The following C2orf69 variants were observed in gnomAD, a reference collection of about 807,000 sequenced individuals.
The protein encoded by C2orf69 is chromosome 2 open reading frame 69, also known as mitochondrial protein C2orf69.
A neutral mutation model predicts 29.5 loss-of-function variants in C2orf69; 19 were observed. The observed-to-expected ratio is 0.65, with a 90% confidence interval of 0.45 to 0.95. The LOEUF is 0.95. C2orf69 is among the 40% of genes least tolerant of loss of function. The probability of loss-of-function intolerance (pLI) is 0.00; values close to 1 mark genes in which losing one functional copy is unlikely to be tolerated. For synonymous variants in C2orf69, 194 were observed against 180.0 expected, an observed-to-expected ratio of 1.08 and a Z score of -0.62; for missense variants, 416 against 482.1, an observed-to-expected ratio of 0.86 and a Z score of 1.28.
chr2:199,923,385 AATTT>A, intron 1 of C2orf69, among the ~76,000 whole-genome samples: 1 of 152,322 alleles, frequency 6.6e-6, no homozygotes, highest in South Asian at 2.1e-4. Context: ...TGAGGAACTA[AATTT>A]AATAGAGGAA....
chr2:199,912,435 G>C (rs1391318055), intron 1 of C2orf69, among the ~76,000 whole-genome samples: 1 of 152,142 alleles, frequency 6.6e-6, no homozygotes, highest in African/African-American at 2.4e-5. Context: ...GTAGCCATTA[G>C]CCATATATGG....
In C2orf69 at chr2:199,927,208, A is replaced by G. The variant is rs76660606; in HGVS notation, c.*1322A>G. The G allele has an allele frequency of 6.6e-6, 1 of 151,442 alleles. No homozygotes were observed. Among genetic ancestry groups the G allele is most frequent in the Non-Finnish European group, 1.5e-5 (1 of 67,858 alleles). The allele number at this position is 151,442 out of a possible 1,614,324, so 9.4% of individuals were successfully genotyped here. ...AAATGTCAACCAACATTGACATTGTAATTGGGTGATTACAATAAAAGGTGA... is the reference window on the plus strand; with the variant it reads ...AAATGTCAACCAACATTGACATTGTGATTGGGTGATTACAATAAAAGGTGA... On this transcript the variant is annotated 3_prime_UTR_variant, in exon 2 of 2. Transcript: ENST00000319974.
intron 1 of C2orf69, among the ~76,000 whole-genome samples, chr2:199,921,007 T>G (rs1262595764): frequency 7.9e-6 from 1 of 126,056 alleles, no homozygotes; most frequent in Non-Finnish European, 1.7e-5. Context: ...ATTAGTTTTT[T>G]TTTTTTTTTT....
rs192646461 is a variant in C2orf69, at chr2:199,926,792, T to C, written c.*906T>C. The C allele has an allele frequency of 6.5e-6, 1 of 152,790 alleles. No homozygotes were observed. The highest frequency in any genetic ancestry group is 1.9e-4 in the East Asian group (1 of 5,190). The allele number at this position is 152,790 out of a possible 1,614,324, so 9.5% of individuals were successfully genotyped here. ...TTGGAAAATTGCTTTAAATTGAGCA[T>C]ATTTATGTATATTGGATAAAAATGT... On this transcript the variant is annotated 3_prime_UTR_variant, in exon 2 of 2. Coordinates refer to ENST00000319974, the MANE Select transcript of C2orf69 (RefSeq NM_153689.6).
At chr2:199,920,186 G>A (rs376250434) in intron 1 of C2orf69, among the ~76,000 whole-genome samples, 24 of 152,118 alleles carry the variant, frequency 1.6e-4, no homozygotes, top group South Asian at 2.1e-4. Flanking sequence ...TAGATTGGCC[G>A]TGGGTAACAG....
intron 1 of C2orf69, among the ~76,000 whole-genome samples, chr2:199,912,106 G>A (rs2077265887): frequency 6.6e-6 from 1 of 152,162 alleles, no homozygotes; most frequent in African/African-American, 2.4e-5. Context: ...TTTCTCAGAG[G>A]ACCGTGTGTG....
intron 1 of C2orf69, among the ~76,000 whole-genome samples, chr2:199,916,725 A>G (rs1190006524): frequency 6.6e-6 from 1 of 152,192 alleles, no homozygotes; most frequent in Non-Finnish European, 1.5e-5. Flanking sequence ...CTTTAACTCC[A>G]TGTCTCATAT....
chr2:199,924,153 A>C (rs896638957), intron 1 of C2orf69, among the ~76,000 whole-genome samples: 1 of 152,186 alleles, frequency 6.6e-6, no homozygotes, highest in Non-Finnish European at 1.5e-5. Context: ...CATGCCTATA[A>C]TACCAATACT....
At chr2:199,918,281 C>T (rs1487238152) in intron 1 of C2orf69, among the ~76,000 whole-genome samples, 4 of 152,114 alleles carry the variant, frequency 2.6e-5, no homozygotes, top group African/African-American at 9.7e-5. Context: ...AAAGTAGGTG[C>T]TTTCCATTTT....
At position 199,913,381 on chromosome 2, in the gene C2orf69, T is replaced by TATATATAATATATTCTATTATATATA. The variant is rs1559292384; in HGVS notation, c.333+1620_333+1621insTATTCTATTATATATAATATATAATA. 4.7e-5 allele frequency among the ~76,000 whole-genome samples: 3 copies of TATATATAATATATTCTATTATATATA among 63,288 alleles called. No individual in the cohort carries two copies. In the East Asian group the frequency reaches 1.1e-3, roughly 23 times the overall value. The allele number at this position is 63,288 out of a possible 152,430, so 41.5% of individuals were successfully genotyped here. A position where few individuals can be genotyped will look rare whatever the true frequency, so the allele number is the denominator to read the frequency against. On this transcript the variant is annotated intron_variant, in intron 1 of 1. Transcript: ENST00000319974. ...TAATATATTCTATTATGATATATAT[T>TATATATAATATATTCTATTATATATA]ATATATAATAACATATATTATATAT...
In C2orf69 at chr2:199,911,781, G is replaced by T; in HGVS notation, c.333+10G>T. On this transcript the variant is annotated intron_variant, in intron 1 of 1. Transcript: ENST00000319974. ...CCCTGGGGATGTGCAGGTAACTCGG[G>T]GCCTGCCTGGGTATCTGTTCCTTCC... 6.5e-7 allele frequency: 1 copy of T among 1,537,542 alleles called. No homozygotes were observed. The highest frequency in any genetic ancestry group is 8.7e-7 in the Non-Finnish European group (1 of 1,146,890).
At chr2:199,916,331 G>A (rs1282182780) in intron 1 of C2orf69, among the ~76,000 whole-genome samples, 1 of 151,868 alleles carries the variant, frequency 6.6e-6, no homozygotes, top group Non-Finnish European at 1.5e-5. Flanking sequence ...GGGATTATGG[G>A]AACTACAATT....
intron 1 of C2orf69, among the ~76,000 whole-genome samples, chr2:199,913,356 T>A (rs1403701216): frequency 5.1e-5 from 4 of 78,308 alleles, no homozygotes; most frequent in African/African-American, 1.6e-4. Context: ...ATATTATATA[T>A]AATATATTCT....
chr2:199,913,428 AAT>A (rs2077281024), intron 1 of C2orf69, among the ~76,000 whole-genome samples: 1 of 37,314 alleles, frequency 2.7e-5, no homozygotes, highest in African/African-American at 1.0e-4. Context: ...TATTATATAA[AAT>A]ATATATTATA....
chr2:199,913,285 T>TTATATAATATATATTA (rs1559292254), intron 1 of C2orf69, among the ~76,000 whole-genome samples: 4 of 32,490 alleles, frequency 1.2e-4, no homozygotes, highest in Non-Finnish European at 1.8e-4. Flanking sequence ...ATATATTCTA[T>TTATATAATATATATTA]TATATAATAT....
rs747576112 is a variant in C2orf69 at position 199,911,631 on chromosome 2, C to G, written c.193C>G (p.Pro65Ala). The change falls in exon 1 of 2, where the codon CCG becomes GCG. Residue 65 changes from proline (P) to alanine (A), a missense_variant. This residue lies in a region of C2orf69 where 175 missense variants were observed against 139.9 expected (regional missense o/e 1.25). Coordinates refer to ENST00000319974, the MANE Select transcript of C2orf69 (RefSeq NM_153689.6). ...GCTTTCCACCGTGCCTGGAGCCGAT[C>G]CGCAGCGCAGCAACGAATTGCTCCT... ...LQLSTVPGAD[P>A]QRSNELLLLA... The G allele has an allele frequency of 7.1e-6, 11 of 1,549,424 alleles. No individual in the cohort carries two copies. Among genetic ancestry groups the G allele is most frequent in the East Asian group, 2.4e-5 (1 of 40,886 alleles).
chr2:199,918,744 A>G (rs1051802578), intron 1 of C2orf69, among the ~76,000 whole-genome samples: 10 of 152,196 alleles, frequency 6.6e-5, no homozygotes, highest in Non-Finnish European at 1.3e-4. Context: ...GTTGTAGAGT[A>G]TCTCCATTAT....
rs921258487 is a variant in C2orf69 at position 199,911,328 on chromosome 2, G to GGGCCGC, written c.-104_-99dup. The GGGCCGC allele has an allele frequency of 7.7e-7, 1 of 1,291,804 alleles. No individual in the cohort carries two copies. Among genetic ancestry groups the GGGCCGC allele is most frequent in the African/African-American group, 1.6e-5 (1 of 63,644 alleles). The allele number at this position is 1,291,804 out of a possible 1,614,324, so 80.0% of individuals were successfully genotyped here. On this transcript the variant is annotated 5_prime_UTR_variant, in exon 1 of 2. Transcript: ENST00000319974. Reference sequence around the variant, plus strand: ...GTCGCCTCAGCGCCGGCTCCCGGCCGGGCCGCGGCCGCCGACCGTTGAGCC... The same window carrying GGGCCGC: ...GTCGCCTCAGCGCCGGCTCCCGGCCGGGCCGCGGCCGCGGCCGCCGACCGTTGAGCC...
In C2orf69 at chr2:199,913,241, TA is replaced by T. The variant is rs1478496412; in HGVS notation, c.333+1472del. Among the ~76,000 whole-genome samples, 6 of 31,124 alleles carry T rather than the reference TA, an allele frequency of 1.9e-4. No individual in the cohort carries two copies. The South Asian group carries it at 5.2e-3, about 27-fold the overall frequency. 20.4% of individuals were successfully genotyped at this position (31,124 alleles called of 152,430 possible). On this transcript the variant is annotated intron_variant, in intron 1 of 1. Coordinates refer to ENST00000319974, the MANE Select transcript of C2orf69 (RefSeq NM_153689.6). ...TATATAATATATATTATAATATATATAATATATATTATATAAAATATATTCT... is the reference window on the plus strand; with the variant it reads ...TATATAATATATATTATAATATATATATATATATTATATAAAATATATTCT...
Sources: gnomAD v4.1 joint callset for allele counts (sites outside exome capture counted in the v4.1 genomes callset) on GRCh38, gnomAD v4.1.1 for gene constraint, gnomAD v4.1.1 regional missense constraint, MANE v1.5 for transcripts, NCBI Gene and HGNC (gene_info 2026-07-23, HGNC 2026-07-21) for gene names.